The following NRG1 variants were observed in gnomAD, a reference collection of about 807,000 sequenced individuals.
The protein encoded by NRG1 is pro-neuregulin-1, membrane-bound isoform.
A neutral mutation model predicts 63.8 loss-of-function variants in NRG1; 18 were observed. The observed-to-expected ratio is 0.28, with a 90% CI of 0.19 to 0.42. NRG1 has a LOEUF of 0.42. Ranked by LOEUF, NRG1 falls within the 10% of genes least tolerant of loss-of-function variation. The pLI, the probability that NRG1 is intolerant of heterozygous loss-of-function variation, is 1.00. For missense variants in NRG1, 762 were observed against 814.7 expected (o/e 0.94, Z 0.79); for synonymous variants, 302 against 301.3 (o/e 1.00, Z -0.02).
At chr8:31,861,045 G>A (rs538160091) in intron 1 of NRG1, among the ~76,000 whole-genome samples, 5 of 152,172 alleles carry the variant, frequency 3.3e-5, no homozygotes, top group Non-Finnish European at 5.9e-5. Flanking sequence ...TTAGTGATAC[G>A]AAAGTGACCA....
chr8:32,295,098 G>A (rs934307858), intron 1 of NRG1, among the ~76,000 whole-genome samples: 1 of 152,094 alleles, frequency 6.6e-6, no homozygotes, highest in African/African-American at 2.4e-5. Context: ...GACCTTGGTT[G>A]TGAAAATAAA....
intron 5 of NRG1, among the ~76,000 whole-genome samples, chr8:32,688,125 T>C (rs575665770): frequency 6.6e-6 from 1 of 152,292 alleles, no homozygotes; most frequent in South Asian, 2.1e-4. Context: ...GTTTTGATGG[T>C]ATACAGAAAG....
At chr8:32,659,408 A>T (rs1802313930) in intron 5 of NRG1, among the ~76,000 whole-genome samples, 2 of 152,078 alleles carry the variant, frequency 1.3e-5, no homozygotes, top group South Asian at 4.1e-4. Context: ...TTGGCCTCCC[A>T]GTGTGCTGGG....
chr8:32,209,508 C>T (rs183760373), intron 1 of NRG1, among the ~76,000 whole-genome samples: 1 of 151,950 alleles, frequency 6.6e-6, no homozygotes, highest in East Asian at 1.9e-4. Flanking sequence ...TTGAATTTTC[C>T]ATAGCAAGCA....
intron 1 of NRG1, among the ~76,000 whole-genome samples, chr8:32,118,904 A>T (rs916380629): frequency 6.6e-6 from 1 of 152,128 alleles, no homozygotes; most frequent in Non-Finnish European, 1.5e-5. Flanking sequence ...CCAAAGAGCC[A>T]TCCTTGAGAA....
intron 1 of NRG1, among the ~76,000 whole-genome samples, chr8:32,421,756 G>A (rs902778328): frequency 6.6e-6 from 1 of 152,122 alleles, no homozygotes; most frequent in African/African-American, 2.4e-5. Context: ...CATACACAGT[G>A]CAACATCTTT....
At chr8:31,786,973 T>C (rs1424451692) in intron 1 of NRG1, among the ~76,000 whole-genome samples, 1 of 152,036 alleles carries the variant, frequency 6.6e-6, no homozygotes, top group East Asian at 1.9e-4. Context: ...TGGGGTGAGG[T>C]TGAAAGTTCC....
At chr8:32,217,213 C>CAAAAAAA (rs538507645) in intron 1 of NRG1, among the ~76,000 whole-genome samples, 5 of 101,178 alleles carry the variant, frequency 4.9e-5, no homozygotes, top group South Asian at 3.5e-4. Context: ...GACCCTGTCT[C>CAAAAAAA]AAAAAAAAAA....
At chr8:32,288,091 G>A (rs938503305) in intron 1 of NRG1, among the ~76,000 whole-genome samples, 6 of 152,154 alleles carry the variant, frequency 3.9e-5, no homozygotes, top group Admixed American at 2.0e-4. Flanking sequence ...TTCAATCAAC[G>A]TGGGTAGAGC....
At chr8:32,663,993 C>T (rs893569020) in intron 5 of NRG1, among the ~76,000 whole-genome samples, 1 of 152,182 alleles carries the variant, frequency 6.6e-6, no homozygotes, top group Non-Finnish European at 1.5e-5. Flanking sequence ...ATCTTTAATA[C>T]TCATGTGTGT....
chr8:31,860,902 C>T (rs770086042), intron 1 of NRG1, among the ~76,000 whole-genome samples: 4 of 152,064 alleles, frequency 2.6e-5, no homozygotes, highest in African/African-American at 2.4e-5. Flanking sequence ...ACAACAGTGT[C>T]GAATAGGGTA....
intron 1 of NRG1, among the ~76,000 whole-genome samples, chr8:31,925,390 A>C (rs1834279347): frequency 6.6e-6 from 1 of 151,828 alleles, no homozygotes; most frequent in South Asian, 2.1e-4. Context: ...TTAATATATC[A>C]ATAATTGTAT....
chr8:31,734,445 T>G (rs2131369740), intron 1 of NRG1, among the ~76,000 whole-genome samples: 1 of 152,356 alleles, frequency 6.6e-6, no homozygotes, highest in African/African-American at 2.4e-5. Context: ...ATTTTAAGTT[T>G]TTTTAAATGA....
chr8:31,806,069 A>G (rs1259053813), intron 1 of NRG1, among the ~76,000 whole-genome samples: 3 of 152,142 alleles, frequency 2.0e-5, no homozygotes, highest in Admixed American at 2.0e-4. Context: ...TTACATTAGA[A>G]AATTTAGCTG....
intron 1 of NRG1, among the ~76,000 whole-genome samples, chr8:31,986,530 T>C (rs1254335118): frequency 6.6e-6 from 1 of 152,126 alleles, no homozygotes; most frequent in Non-Finnish European, 1.5e-5. Flanking sequence ...ATACATTTTC[T>C]GCAAAGTTAT....
chr8:32,457,021 A>C (rs1241366285), intron 1 of NRG1, among the ~76,000 whole-genome samples: 1 of 152,144 alleles, frequency 6.6e-6, no homozygotes, highest in Non-Finnish European at 1.5e-5. Flanking sequence ...AGTCCCAGCT[A>C]CTCAAGAGGT....
At chr8:32,489,857 G>A (rs1826345363) in intron 1 of NRG1, among the ~76,000 whole-genome samples, 1 of 152,198 alleles carries the variant, frequency 6.6e-6, no homozygotes, top group African/African-American at 2.4e-5. Flanking sequence ...TGTATTTGGA[G>A]TCTGATTGAA....
intron 1 of NRG1, among the ~76,000 whole-genome samples, chr8:32,529,469 T>C (rs566985382): frequency 6.6e-6 from 1 of 152,228 alleles, no homozygotes; most frequent in Non-Finnish European, 1.5e-5. Flanking sequence ...AATTACTATA[T>C]CTTTTCACTT....
intron 1 of NRG1, among the ~76,000 whole-genome samples, chr8:32,141,384 A>G (rs578145917): frequency 6.6e-6 from 1 of 151,986 alleles, no homozygotes; most frequent in South Asian, 2.1e-4. Flanking sequence ...TTCCTAATAA[A>G]GAACTGCTAA....
Sources: gnomAD v4.1 joint callset for allele counts (sites outside exome capture counted in the v4.1 genomes callset) on GRCh38, gnomAD v4.1.1 for gene constraint, MANE v1.5 for transcripts, NCBI Gene and HGNC (gene_info 2026-07-23, HGNC 2026-07-21) for gene names.